Variants in PTBP1 observed in about 807,000 individuals in gnomAD.
PTBP1 encodes polypyrimidine tract binding protein 1, also known as polypyrimidine tract-binding protein 1.
In PTBP1, 8 loss-of-function variants were observed where a neutral mutation model predicts 59.8. The ratio of observed to expected loss-of-function variants is 0.13; its 90% confidence interval spans 0.08 to 0.24. The LOEUF (loss-of-function observed/expected upper bound fraction) is 0.24, where lower values mean the gene tolerates loss of function less well. Among genes scored for constraint, PTBP1 ranks in the 10% least tolerant of loss-of-function variants. The probability of loss-of-function intolerance (pLI) is 1.00; values close to 1 mark genes in which losing one functional copy is unlikely to be tolerated. For missense variants in PTBP1, 686 were observed against 767.0 expected (o/e 0.89, Z 1.25); for synonymous variants, 490 against 320.7 (o/e 1.53, Z -5.64).
At position 797,476 on chromosome 19, in the gene PTBP1, C is replaced by A. The variant is rs780123491; in HGVS notation, c.-22C>A. 11 of 1,595,554 alleles carry A rather than the reference C, an allele frequency of 6.9e-6. No individual in the cohort carries two copies. The African/African-American group carries it at 1.4e-4, about 20-fold the overall frequency. On this transcript the variant is annotated 5_prime_UTR_variant, in exon 1 of 15. Transcript: ENST00000356948. ...TATTCCGGCGCCTCCACTCCGTCCC[C>A]CGCGGGTCTGCTCTGTGTGCCATGG...
In PTBP1 at chr19:806,333, CG is replaced by C. The variant is rs998796955; in HGVS notation, c.971-71del. 1.2e-5 allele frequency: 17 copies of C among 1,459,062 alleles called. No homozygotes were observed. In the African/African-American group the frequency reaches 1.8e-4, roughly 15 times the overall value. The allele number at this position is 1,459,062 out of a possible 1,614,324, so 90.4% of individuals were successfully genotyped here. ...GGCTCGGCTCCTCGGTGCATGAGGA[CG>C]GGGAGCGTCGGCCTCTCCCACTCTG... is the stretch of plus-strand genomic sequence containing the variant. On this transcript the variant is annotated intron_variant, in intron 9 of 14. Coordinates refer to ENST00000356948, the MANE Select transcript of PTBP1 (RefSeq NM_002819.5).
At position 808,425 on chromosome 19, in the gene PTBP1, A is replaced by T. The variant is rs1248855330; in HGVS notation, c.1219A>T (p.Met407Leu). ...FNKKENALVQ[M>L]ADGNQAQLAM... Reference sequence around the variant, plus strand: ...TAAGAAGGAGAACGCCCTAGTGCAGATGGCGGACGGCAACCAGGCCCAGCT... The same window carrying T: ...TAAGAAGGAGAACGCCCTAGTGCAGTTGGCGGACGGCAACCAGGCCCAGCT... The change falls in exon 12 of 15, where the codon ATG becomes TTG. Residue 407 changes from methionine (M) to leucine (L), a missense_variant. Coordinates refer to ENST00000356948, the MANE Select transcript of PTBP1 (RefSeq NM_002819.5). The surrounding 1 kb of genome is among the most constrained non-coding windows in gnomAD (Gnocchi z 4.7). 6.2e-7 allele frequency: 1 copy of T among 1,606,414 alleles called. No homozygotes were observed. Among genetic ancestry groups the T allele is most frequent in the African/African-American group, 1.3e-5 (1 of 74,784 alleles).
Position 805,625 on chromosome 19 carries a change from C to T in PTBP1, c.970+56C>T, listed in dbSNP as rs1350321480. 8 of 1,445,888 alleles carry T rather than the reference C, an allele frequency of 5.5e-6. No individual in the cohort carries two copies. The East Asian group carries it at 1.1e-4, about 21-fold the overall frequency. The allele number at this position is 1,445,888 out of a possible 1,614,324, so 89.6% of individuals were successfully genotyped here. A position where few individuals can be genotyped will look rare whatever the true frequency, so the allele number is the denominator to read the frequency against. ...CGACTGCATGCCCACACCACCTTCC[C>T]AGGCAGCTCCGCATCCACGGCGGCA... On this transcript the variant is annotated intron_variant, in intron 9 of 14. Transcript: ENST00000356948.
chr19:799,297 C>G (rs1555697444), intron 1 of PTBP1, 116 bp from the exon 2 acceptor site: 1 of 922,306 alleles, frequency 1.1e-6, no homozygotes, highest in Admixed American at 1.7e-5. Context: ...CAGAGGGAGC[C>G]CTGCGGAGGT....
At chr19:809,774 G>T (rs1203096510) in intron 13 of PTBP1, among the ~76,000 whole-genome samples, 1 of 152,148 alleles carries the variant, frequency 6.6e-6, no homozygotes, top group Non-Finnish European at 1.5e-5. Flanking sequence ...TGCACGTCAG[G>T]TCCCAGCTCT....
At chr19:800,250 G>A (rs1192902864) in intron 2 of PTBP1, among the ~76,000 whole-genome samples, 1 of 151,982 alleles carries the variant, frequency 6.6e-6, no homozygotes. Context: ...AAGTATCTTT[G>A]ATGGCATCTG....
At chr19:810,646 G>T in intron 14 of PTBP1, 26 bp downstream of exon 14, 2 of 1,612,312 alleles carry the variant, frequency 1.2e-6, no homozygotes, top group Non-Finnish European at 1.7e-6. Flanking sequence ...GCTGTCCCTG[G>T]CTCTCCCCAG....
intron 1 of PTBP1, among the ~76,000 whole-genome samples, chr19:797,974 C>G (rs1480021900): frequency 1.3e-5 from 2 of 149,618 alleles, no homozygotes; most frequent in Non-Finnish European, 3.0e-5. Context: ...GCGCCTTTCC[C>G]GCCGCCCGGA....
At position 811,586 on chromosome 19, in the gene PTBP1, C is replaced by G. The variant is rs2034878090; in HGVS notation, c.*760C>G. Reference sequence around the variant, plus strand: ...ATGGTATGAGTGTAATCTAAACTTCCTTGTGGTATTACCTTGTATGCTGTT... The same window carrying G: ...ATGGTATGAGTGTAATCTAAACTTCGTTGTGGTATTACCTTGTATGCTGTT... On this transcript the variant is annotated 3_prime_UTR_variant, in exon 15 of 15. Transcript: ENST00000356948. The G allele has an allele frequency of 6.6e-6, 1 of 152,360 alleles. No homozygotes were observed. The highest frequency in any genetic ancestry group is 6.5e-5 in the Admixed American group (1 of 15,282). 9.4% of individuals were successfully genotyped at this position (152,360 alleles called of 1,614,324 possible). A position where few individuals can be genotyped will look rare whatever the true frequency, so the allele number is the denominator to read the frequency against.
chr19:807,707 A>G, intron 10 of PTBP1, 162 bp from the exon 11 acceptor site: 1 of 613,668 alleles, frequency 1.6e-6, no homozygotes, highest in South Asian at 2.2e-5. Flanking sequence ...CTCTCCGGAA[A>G]CCAACCTGCC....
rs777613788 is a variant in PTBP1 at position 804,226 on chromosome 19, C to T, written c.288+18C>T. 2 of 1,607,302 alleles carry T rather than the reference C, an allele frequency of 1.2e-6. No individual in the cohort carries two copies. The highest frequency in any genetic ancestry group is 2.7e-5 in the African/African-American group (2 of 74,756). On this transcript the variant is annotated intron_variant, in intron 4 of 14. Coordinates refer to ENST00000356948, the MANE Select transcript of PTBP1 (RefSeq NM_002819.5). ...AAAACCAGGTACCTGAGCCGCGTTT[C>T]TCCGGGGTGCTCACACCGTGCAGGC...
At chr19:797,538 C>T (rs1327396282) in intron 1 of PTBP1, 33 bp downstream of exon 1, 5 of 1,476,618 alleles carry the variant, frequency 3.4e-6, no homozygotes, top group East Asian at 5.9e-5. Flanking sequence ...CCCCACCGCC[C>T]TCCCCGCGCC....
rs748815666 is a variant in PTBP1, at chr19:804,275, C to T, written c.289-17C>T. Reference sequence around the variant, plus strand: ...GCGGGGACGAGGAGGGCCCAGCGCTCACTGCCTCCCCAACAGGCCTTCATC... The same window carrying T: ...GCGGGGACGAGGAGGGCCCAGCGCTTACTGCCTCCCCAACAGGCCTTCATC... On this transcript the variant is annotated splice_polypyrimidine_tract_variant and intron_variant, in intron 4 of 14. Transcript: ENST00000356948. 3.1e-6 allele frequency: 5 copies of T among 1,613,336 alleles called. No individual in the cohort carries two copies. Among genetic ancestry groups the T allele is most frequent in the South Asian group, 2.2e-5 (2 of 91,034 alleles).
chr19:799,061 C>T (rs886088083), intron 1 of PTBP1, among the ~76,000 whole-genome samples: 2 of 152,270 alleles, frequency 1.3e-5, no homozygotes, highest in Non-Finnish European at 2.9e-5. Context: ...CTGGAAAGCA[C>T]ACAGCAGCCC....
In PTBP1 at chr19:808,083, A is replaced by G. The variant is rs2034661335; in HGVS notation, c.1153+181A>G. 2 of 657,922 alleles carry G rather than the reference A, an allele frequency of 3.0e-6. No homozygotes were observed. Among genetic ancestry groups the G allele is most frequent in the Non-Finnish European group, 5.4e-6 (2 of 369,374 alleles). 40.8% of individuals were successfully genotyped at this position (657,922 alleles called of 1,614,324 possible). A position where few individuals can be genotyped will look rare whatever the true frequency, so the allele number is the denominator to read the frequency against. ...TCCCGTAGATACGTACGCATGGTTT[A>G]TCGCCCTGCATGCTTTTCAGAGTTA... On this transcript the variant is annotated intron_variant, in intron 11 of 14. Coordinates refer to ENST00000356948, the MANE Select transcript of PTBP1 (RefSeq NM_002819.5). This position sits in a 1 kb window ranked among gnomAD's most constrained non-coding sequence, Gnocchi z 4.7.
At position 810,913 on chromosome 19, in the gene PTBP1, TAGC is replaced by T. The variant is rs2034833675; in HGVS notation, c.*90_*92del. ...ACTTTAAAAACAGCTGAAGTGACCT[TAGC>T]AGACCAGAGATTTTATTTTTTTAAA... On this transcript the variant is annotated 3_prime_UTR_variant, in exon 15 of 15. Transcript: ENST00000356948. The T allele has an allele frequency of 5.8e-6, 7 of 1,200,998 alleles. No individual in the cohort carries two copies. Among genetic ancestry groups the T allele is most frequent in the East Asian group, 2.7e-5 (1 of 36,552 alleles). The allele number at this position is 1,200,998 out of a possible 1,614,324, so 74.4% of individuals were successfully genotyped here. A position where few individuals can be genotyped will look rare whatever the true frequency, so the allele number is the denominator to read the frequency against.
At chr19:804,793 C>T (rs771829599) in intron 6 of PTBP1, 36 bp from the exon 7 acceptor site, 40 of 1,608,060 alleles carry the variant, frequency 2.5e-5, no homozygotes, top group East Asian at 4.5e-5. Flanking sequence ...TGGTGGGCAC[C>T]GGGCAGGAGC....
At chr19:803,500 T>C (rs1599225568) in intron 2 of PTBP1, 61 bp from the exon 3 acceptor site, 2 of 1,459,694 alleles carry the variant, frequency 1.4e-6, no homozygotes, top group Admixed American at 1.7e-5. Flanking sequence ...GGCCGGCCGG[T>C]GGGGAAGGGA....
At chr19:803,189 G>C (rs2034412977) in intron 2 of PTBP1, among the ~76,000 whole-genome samples, 1 of 152,320 alleles carries the variant, frequency 6.6e-6, no homozygotes, top group East Asian at 1.9e-4. Context: ...CTGGCTGGTG[G>C]CTGAGGCCCC....
Sources: allele counts gnomAD v4.1 joint callset (sites outside exome capture counted in the v4.1 genomes callset), GRCh38; gene constraint gnomAD v4.1.1; non-coding constraint Gnocchi (gnomAD v3.1); transcripts MANE v1.5; gene names NCBI Gene and HGNC (gene_info 2026-07-23, HGNC 2026-07-21).